FGFR2: variants seen among roughly 807,000 people sequenced by gnomAD.
FGFR2 encodes the protein BEK fibroblast growth factor receptor.
FGFR2 carries 19 observed loss-of-function variants against 95.9 expected under a neutral mutation model. The observed-to-expected ratio is 0.20, with a 90% CI of 0.14 to 0.29. The LOEUF is 0.29. FGFR2 is among the 10% of genes least tolerant of loss of function. The pLI is 1.00. For missense variants in FGFR2, 707 were observed against 1,056.9 expected (o/e 0.67, Z 4.59); for synonymous variants, 392 against 393.3 (o/e 1.00, Z 0.04).
At chr10:121,495,573 T>C (rs1462073569) in intron 13 of FGFR2, among the ~76,000 whole-genome samples, 1 of 151,798 alleles carries the variant, frequency 6.6e-6, no homozygotes, top group African/African-American at 2.4e-5. Flanking sequence ...GGCCAGAGAG[T>C]AGAGCTGAGG....
At chr10:121,539,701 T>C (rs1350518368) in intron 5 of FGFR2, among the ~76,000 whole-genome samples, 1 of 152,234 alleles carries the variant, frequency 6.6e-6, no homozygotes. Context: ...CAAGGCCTAC[T>C]AACCTTAGCT....
rs2134831006 is a variant in FGFR2 at position 121,551,329 on chromosome 10, C to T, written c.585G>A (p.Gly195=). 2 of 1,614,228 alleles carry T rather than the reference C, an allele frequency of 1.2e-6. No individual in the cohort carries two copies. The highest frequency in any genetic ancestry group is 1.7e-6 in the Non-Finnish European group (2 of 1,180,034). The change falls in exon 5 of 18, where the codon GGG becomes GGA. Residue 195 remains glycine (G), a synonymous_variant. Transcript: ENST00000358487. ...PMPTMRWLKN[G]KEFKQEHRIG... ...TGCGATGCTCCTGCTTAAACTCCTT[C>T]CCGTTTTTCAGCCACCGCATGGTTG...
At position 121,515,104 on chromosome 10, in the gene FGFR2, T is replaced by C; in HGVS notation, c.1287+13A>G. 1 of 1,613,608 alleles carries C rather than the reference T, an allele frequency of 6.2e-7. No homozygotes were observed. Among genetic ancestry groups the C allele is most frequent in the Non-Finnish European group, 8.5e-7 (1 of 1,179,618 alleles). The stretch of plus-strand genomic sequence containing the variant: ...GGGAGGAGTAAATTTCTTTAAACTC[T>C]TTATCTACTTTCTGTTACCTGTCTC... On this transcript the variant is annotated intron_variant, in intron 9 of 17. Coordinates refer to ENST00000358487, the MANE Select transcript of FGFR2 (RefSeq NM_000141.5).
chr10:121,497,409 A>T (rs542232212), intron 12 of FGFR2, among the ~76,000 whole-genome samples: 1 of 152,356 alleles, frequency 6.6e-6, no homozygotes, highest in South Asian at 2.1e-4. Flanking sequence ...TAAATGAATA[A>T]TAAAGCTCTT....
intron 5 of FGFR2, among the ~76,000 whole-genome samples, chr10:121,546,730 G>A (rs1204760960): frequency 6.6e-6 from 1 of 152,126 alleles, no homozygotes; most frequent in African/African-American, 2.4e-5. Flanking sequence ...GGCTGCCGAG[G>A]TGCCCAATCC....
At chr10:121,537,132 C>T (rs1852954987) in intron 6 of FGFR2, among the ~76,000 whole-genome samples, 1 of 152,116 alleles carries the variant, frequency 6.6e-6, no homozygotes, top group Admixed American at 6.6e-5. Flanking sequence ...AGAAACATGC[C>T]ACATGTTTTC....
At chr10:121,553,563 G>A (rs1855697073) in intron 4 of FGFR2, among the ~76,000 whole-genome samples, 1 of 152,154 alleles carries the variant, frequency 6.6e-6, no homozygotes, top group Non-Finnish European at 1.5e-5. Context: ...ACTACACAAA[G>A]ACGTTTACAA....
At chr10:121,551,647 G>C (rs1855426713) in intron 4 of FGFR2, among the ~76,000 whole-genome samples, 188 bp from the exon 5 acceptor site, 1 of 151,908 alleles carries the variant, frequency 6.6e-6, no homozygotes, top group Non-Finnish European at 1.5e-5. Flanking sequence ...GAAGGTCCCA[G>C]AGAGGGATGG....
intron 9 of FGFR2, among the ~76,000 whole-genome samples, chr10:121,510,499 T>A (rs1848916204): frequency 6.6e-6 from 1 of 152,180 alleles, no homozygotes. Context: ...GACCACCTGA[T>A]TGACCAAAAT....
intron 2 of FGFR2, among the ~76,000 whole-genome samples, chr10:121,567,500 T>C (rs1053650030): frequency 1.3e-5 from 2 of 152,258 alleles, no homozygotes; most frequent in African/African-American, 4.8e-5. Flanking sequence ...AAGCCTATTC[T>C]GGAAGCTCCG....
Position 121,598,351 on chromosome 10 carries a change from AG to A in FGFR2, c.-541del. 1 of 236,672 alleles carries A rather than the reference AG, an allele frequency of 4.2e-6. No individual in the cohort carries two copies. The highest frequency in any genetic ancestry group is 2.3e-5 in the African/African-American group (1 of 43,546). 14.7% of individuals were successfully genotyped at this position (236,672 alleles called of 1,614,324 possible). A position where few individuals can be genotyped will look rare whatever the true frequency, so the allele number is the denominator to read the frequency against. On this transcript the variant is annotated 5_prime_UTR_variant, in exon 1 of 18. Coordinates refer to ENST00000358487, the MANE Select transcript of FGFR2 (RefSeq NM_000141.5). ...GCGCCGGGCCAGGTACGCCGCATGC[AG>A]CCCCGCGGCGCCCGAGCTTTGTGGC...
chr10:121,563,172 G>C (rs558737539), intron 4 of FGFR2, among the ~76,000 whole-genome samples: 1 of 152,170 alleles, frequency 6.6e-6, no homozygotes, highest in Non-Finnish European at 1.5e-5. Flanking sequence ...TCAAGAGTTC[G>C]AGACCAGCCT....
chr10:121,591,852 T>C (rs540910435), intron 2 of FGFR2, among the ~76,000 whole-genome samples: 1 of 152,298 alleles, frequency 6.6e-6, no homozygotes, highest in East Asian at 1.9e-4. Flanking sequence ...CTTCCAACAA[T>C]ACCCACATTG....
At position 121,518,230 on chromosome 10, in the gene FGFR2, T is replaced by C. The variant is rs1334234212; in HGVS notation, c.940-767A>G. 6.6e-6 allele frequency among the ~76,000 whole-genome samples: 1 copy of C among 152,190 alleles called. No homozygotes were observed. The highest frequency in any genetic ancestry group is 2.4e-5 in the African/African-American group (1 of 41,444). ...AACAGCAACTCATAAGGATCAACCA[T>C]GCAACCAAAGAAATGATGCTTTGTT... On this transcript the variant is annotated intron_variant, in intron 7 of 17. Transcript: ENST00000358487. The surrounding 1 kb of genome is among the most constrained non-coding windows in gnomAD (Gnocchi z 4.0).
intron 12 of FGFR2, among the ~76,000 whole-genome samples, chr10:121,498,279 G>C (rs971315800): frequency 6.6e-6 from 1 of 152,164 alleles, no homozygotes; most frequent in Non-Finnish European, 1.5e-5. Flanking sequence ...CAAATCCAAA[G>C]TCACCTGCAC....
intron 6 of FGFR2, among the ~76,000 whole-genome samples, chr10:121,521,427 G>A (rs1850521869): frequency 6.6e-6 from 1 of 152,152 alleles, no homozygotes; most frequent in African/African-American, 2.4e-5. Context: ...GCCAAGGTGT[G>A]CTAGCAACCA....
Position 121,485,676 on chromosome 10 carries a change from T to C in FGFR2, c.2058-144A>G. 1.9e-6 allele frequency: 2 copies of C among 1,035,298 alleles called. No individual in the cohort carries two copies. Among genetic ancestry groups the C allele is most frequent in the Admixed American group, 2.0e-5 (1 of 49,376 alleles). 64.1% of individuals were successfully genotyped at this position (1,035,298 alleles called of 1,614,324 possible). A position where few individuals can be genotyped will look rare whatever the true frequency, so the allele number is the denominator to read the frequency against. On this transcript the variant is annotated intron_variant, in intron 15 of 17. Coordinates refer to ENST00000358487, the MANE Select transcript of FGFR2 (RefSeq NM_000141.5). The surrounding 1 kb of genome is among the most constrained non-coding windows in gnomAD (Gnocchi z 4.2). ...CCTGCAGTTCCTCCTATGTGCTCTT[T>C]CCTGCCCTGCAAGAGCATCCCCGAA...
At chr10:121,535,796 C>T (rs913026525) in intron 6 of FGFR2, among the ~76,000 whole-genome samples, 15 of 152,218 alleles carry the variant, frequency 9.9e-5, no homozygotes, top group African/African-American at 3.6e-4. Context: ...TTCCCTTACA[C>T]ACAACAATGG....
At chr10:121,526,804 C>T in intron 6 of FGFR2, 1 of 398,614 alleles carries the variant, frequency 2.5e-6, no homozygotes, top group East Asian at 3.6e-5. Flanking sequence ...AGGCTTGGCA[C>T]ATGCTCGTTT....
Sources: allele counts gnomAD v4.1 joint callset (sites outside exome capture counted in the v4.1 genomes callset), GRCh38; gene constraint gnomAD v4.1.1; non-coding constraint Gnocchi (gnomAD v3.1); transcripts MANE v1.5; gene names NCBI Gene and HGNC (gene_info 2026-07-23, HGNC 2026-07-21).